Variants in OR2AG1 observed in about 807,000 individuals in gnomAD.
OR2AG1 encodes the protein olfactory receptor 2AG1.
For synonymous variants in OR2AG1, 157 were observed against 155.6 expected, an observed-to-expected ratio of 1.01 and a Z score of -0.07; for missense variants, 391 against 385.9, an observed-to-expected ratio of 1.01 and a Z score of -0.11.
At chr11:6,783,711 C>T (rs928460219) in intron 1 of OR2AG1, among the ~76,000 whole-genome samples, 5 of 152,328 alleles carry the variant, frequency 3.3e-5, no homozygotes, top group Middle Eastern at 3.4e-3. Context: ...TGGTGGAAAT[C>T]GCAATACTTG....
rs374381082 is a variant in OR2AG1, at chr11:6,785,462, G to T, written c.425G>T (p.Trp142Leu). The stretch of plus-strand genomic sequence containing the variant: ...ACCCTCATGAGCTCAAGAGCCTGCT[G>T]GCTCATGGTGGCCACGTCCTGGATC... ...YMTLMSSRAC[W>L]LMVATSWILA... The change falls in exon 2 of 2, where the codon TGG (tryptophan) becomes TTG (leucine). Residue 142 changes from tryptophan to leucine, a missense_variant. Transcript: ENST00000641258. The T allele has an allele frequency of 3.1e-5, 50 of 1,613,990 alleles. No individual in the cohort carries two copies. The highest frequency in any genetic ancestry group is 4.2e-5 in the Non-Finnish European group (49 of 1,180,012).
chr11:6,784,472 TG>T (rs1422855863), intron 1 of OR2AG1, among the ~76,000 whole-genome samples: 1 of 152,214 alleles, frequency 6.6e-6, no homozygotes, highest in Non-Finnish European at 1.5e-5. Context: ...CTGTAGAACG[TG>T]GGGCTGGCCA....
Position 6,790,613 on chromosome 11 carries a change from TA to T in OR2AG1, c.*4631del, listed in dbSNP as rs1253735888. On this transcript the variant is annotated 3_prime_UTR_variant, in exon 2 of 2. Transcript: ENST00000641258. ...GGCAAATTATACATAATAATAAACA[TA>T]AAAAATCATTTGAAAACATTTCTAA... 6.6e-6 allele frequency: 1 copy of T among 152,152 alleles called. No individual in the cohort carries two copies. The highest frequency in any genetic ancestry group is 2.4e-5 in the African/African-American group (1 of 41,434). The allele number at this position is 152,152 out of a possible 1,614,324, so 9.4% of individuals were successfully genotyped here.
In OR2AG1 at chr11:6,785,628, C is replaced by T. The variant is rs1213985638; in HGVS notation, c.591C>T (p.Leu197=). 6.2e-7 allele frequency: 1 copy of T among 1,614,076 alleles called. No individual in the cohort carries two copies. Among genetic ancestry groups the T allele is most frequent in the Non-Finnish European group, 8.5e-7 (1 of 1,179,952 alleles). The stretch of plus-strand genomic sequence containing the variant: ...GTGCTGATACCTCCAGATATGAGCT[C>T]ATGGTATATGTGATGGGTGTGACCT... ...VACADTSRYE[L]MVYVMGVTFL... The change falls in exon 2 of 2, where the codon CTC becomes CTT. Residue 197 remains leucine (L), a synonymous_variant. Coordinates refer to ENST00000641258, the MANE Select transcript of OR2AG1 (RefSeq NM_001004489.3).
chr11:6,786,813 T>A lies in OR2AG1; in HGVS notation c.*825T>A, dbSNP rs940287177. On this transcript the variant is annotated 3_prime_UTR_variant, in exon 2 of 2. Transcript: ENST00000641258. Reference sequence around the variant, plus strand: ...GGATATTTAAGTCAGTGTGTCTGTGTGTTTGTGCTAAAGATGGAGAGGACA... The same window carrying A: ...GGATATTTAAGTCAGTGTGTCTGTGAGTTTGTGCTAAAGATGGAGAGGACA... 1 of 152,188 alleles carries A rather than the reference T, an allele frequency of 6.6e-6. No individual in the cohort carries two copies. The highest frequency in any genetic ancestry group is 1.9e-4 in the East Asian group (1 of 5,202). 9.4% of individuals were successfully genotyped at this position (152,188 alleles called of 1,614,324 possible).
At chr11:6,784,562 T>C (rs1022830584) in intron 1 of OR2AG1, among the ~76,000 whole-genome samples, 46 of 152,286 alleles carry the variant, frequency 3.0e-4, no homozygotes, top group African/African-American at 8.4e-4. Context: ...TGCAAACAAA[T>C]GTGGCTGTAA....
In OR2AG1 at chr11:6,787,412, T is replaced by C. The variant is rs1260996684; in HGVS notation, c.*1424T>C. The C allele has an allele frequency of 1.3e-5, 2 of 152,160 alleles. No individual in the cohort carries two copies. The highest frequency in any genetic ancestry group is 4.8e-5 in the African/African-American group (2 of 41,434). 9.4% of individuals were successfully genotyped at this position (152,160 alleles called of 1,614,324 possible). On this transcript the variant is annotated 3_prime_UTR_variant, in exon 2 of 2. Transcript: ENST00000641258. ...AGTCTGCAAGTTTGCAAAGTGTAAG[T>C]TGACATTAACAATAAGACCTACTTT...
rs1319547851 is a variant in OR2AG1, at chr11:6,787,106, T to C, written c.*1118T>C. On this transcript the variant is annotated 3_prime_UTR_variant, in exon 2 of 2. Coordinates refer to ENST00000641258, the MANE Select transcript of OR2AG1 (RefSeq NM_001004489.3). ...GTTCAGAAAGTATAGTAGTAGTATA[T>C]CATGTTTGGAAGGCAAGGCTGAGTA... The C allele has an allele frequency of 6.6e-6, 1 of 152,290 alleles. No individual in the cohort carries two copies. The highest frequency in any genetic ancestry group is 1.5e-5 in the Non-Finnish European group (1 of 68,002). 9.4% of individuals were successfully genotyped at this position (152,290 alleles called of 1,614,324 possible).
In OR2AG1 at chr11:6,787,241, T is replaced by C. The variant is rs1847637308; in HGVS notation, c.*1253T>C. 1.3e-5 allele frequency: 2 copies of C among 152,120 alleles called. No homozygotes were observed. Among genetic ancestry groups the C allele is most frequent in the African/African-American group, 4.8e-5 (2 of 41,428 alleles). The allele number at this position is 152,120 out of a possible 1,614,324, so 9.4% of individuals were successfully genotyped here. ...AACAGATTTTTTTAACCTACAAGCA[T>C]ATAGTTATTTTTCCTATATTATATA... On this transcript the variant is annotated 3_prime_UTR_variant, in exon 2 of 2. Transcript: ENST00000641258.
chr11:6,790,810 C>T lies in OR2AG1; in HGVS notation c.*4822C>T, dbSNP rs1589997558. The T allele has an allele frequency of 1.3e-5, 2 of 152,332 alleles. No homozygotes were observed. The highest frequency in any genetic ancestry group is 4.8e-5 in the African/African-American group (2 of 41,554). The allele number at this position is 152,332 out of a possible 1,614,324, so 9.4% of individuals were successfully genotyped here. A position where few individuals can be genotyped will look rare whatever the true frequency, so the allele number is the denominator to read the frequency against. On this transcript the variant is annotated 3_prime_UTR_variant, in exon 2 of 2. Coordinates refer to ENST00000641258, the MANE Select transcript of OR2AG1 (RefSeq NM_001004489.3). ...AGAGTAATGACAGCAAACAGTGAAG[C>T]TATAGGATAATAATTCCTCCTCAGT... is the stretch of plus-strand genomic sequence containing the variant.
chr11:6,789,083 T>G lies in OR2AG1; in HGVS notation c.*3095T>G, dbSNP rs1017586664. ...CATTTTCTCCTCTGCTGATCTTCTA[T>G]TCGCATCTTAACACACTTTCAATCA... On this transcript the variant is annotated 3_prime_UTR_variant, in exon 2 of 2. Transcript: ENST00000641258. 2 of 151,976 alleles carry G rather than the reference T, an allele frequency of 1.3e-5. No individual in the cohort carries two copies. The highest frequency in any genetic ancestry group is 2.4e-5 in the African/African-American group (1 of 41,422). The allele number at this position is 151,976 out of a possible 1,614,324, so 9.4% of individuals were successfully genotyped here.
At position 6,790,751 on chromosome 11, in the gene OR2AG1, C is replaced by G. The variant is rs1312011933; in HGVS notation, c.*4763C>G. 3.3e-5 allele frequency: 5 copies of G among 152,158 alleles called. No individual in the cohort carries two copies. The South Asian group carries it at 1.0e-3, about 31-fold the overall frequency. The allele number at this position is 152,158 out of a possible 1,614,324, so 9.4% of individuals were successfully genotyped here. Reference sequence around the variant, plus strand: ...ATGAGACGACTTGCAGTGTAGAGCCCTCTAGGCTTTCAGCCTAGAACAGGA... The same window carrying G: ...ATGAGACGACTTGCAGTGTAGAGCCGTCTAGGCTTTCAGCCTAGAACAGGA... On this transcript the variant is annotated 3_prime_UTR_variant, in exon 2 of 2. Transcript: ENST00000641258.
In OR2AG1 at chr11:6,791,168, G is replaced by A. The variant is rs920400546; in HGVS notation, c.*5180G>A. On this transcript the variant is annotated 3_prime_UTR_variant, in exon 2 of 2. Coordinates refer to ENST00000641258, the MANE Select transcript of OR2AG1 (RefSeq NM_001004489.3). ...TTCTCCAGTCCTTGAGGATCTGAAG[G>A]CCTATGTGTGACTGATATTTGGTGG... The A allele has an allele frequency of 6.6e-6, 1 of 150,588 alleles. No individual in the cohort carries two copies. Among genetic ancestry groups the A allele is most frequent in the Non-Finnish European group, 1.5e-5 (1 of 66,996 alleles). 9.3% of individuals were successfully genotyped at this position (150,588 alleles called of 1,614,324 possible).
rs1223392040 is a variant in OR2AG1, at chr11:6,788,222, T to C, written c.*2234T>C. The C allele has an allele frequency of 6.6e-6, 1 of 152,188 alleles. No individual in the cohort carries two copies. Among genetic ancestry groups the C allele is most frequent in the Non-Finnish European group, 1.5e-5 (1 of 68,010 alleles). The allele number at this position is 152,188 out of a possible 1,614,324, so 9.4% of individuals were successfully genotyped here. A position where few individuals can be genotyped will look rare whatever the true frequency, so the allele number is the denominator to read the frequency against. On this transcript the variant is annotated 3_prime_UTR_variant, in exon 2 of 2. Transcript: ENST00000641258. ...TTAGGATATAATTTTCTATTCTCAT[T>C]GACGTCTTTGCTGTGCATCATACAG...
rs760105560 is a variant in OR2AG1, at chr11:6,785,323, G to C, written c.286G>C (p.Gly96Arg). ...LRRENTISFG[G>R]CALQMFLALT... Reference sequence around the variant, plus strand: ...CAGAGAAAACACCATCTCCTTTGGAGGCTGTGCCCTTCAGATGTTCCTGGC... The same window carrying C: ...CAGAGAAAACACCATCTCCTTTGGACGCTGTGCCCTTCAGATGTTCCTGGC... Residue 96 changes from glycine to arginine, a missense_variant, in exon 2 of 2, where the codon GGC becomes CGC. Coordinates refer to ENST00000641258, the MANE Select transcript of OR2AG1 (RefSeq NM_001004489.3). 5.6e-6 allele frequency: 9 copies of C among 1,614,048 alleles called. No individual in the cohort carries two copies. The South Asian group carries it at 9.9e-5, about 18-fold the overall frequency.
rs1040067017 is a variant in OR2AG1, at chr11:6,790,494, C to T, written c.*4506C>T. On this transcript the variant is annotated 3_prime_UTR_variant, in exon 2 of 2. Coordinates refer to ENST00000641258, the MANE Select transcript of OR2AG1 (RefSeq NM_001004489.3). ...TGTGGTCATCATTTCACAGGGTATACGTATATCAAATCATCACACTGTATA... is the reference window on the plus strand; with the variant it reads ...TGTGGTCATCATTTCACAGGGTATATGTATATCAAATCATCACACTGTATA... 2 of 151,968 alleles carry T rather than the reference C, an allele frequency of 1.3e-5. No individual in the cohort carries two copies. Among genetic ancestry groups the T allele is most frequent in the Non-Finnish European group, 2.9e-5 (2 of 68,024 alleles). 9.4% of individuals were successfully genotyped at this position (151,968 alleles called of 1,614,324 possible).
At position 6,791,253 on chromosome 11, in the gene OR2AG1, T is replaced by C. The variant is rs1233838211; in HGVS notation, c.*5265T>C. The C allele has an allele frequency of 6.6e-6, 1 of 152,230 alleles. No homozygotes were observed. Among genetic ancestry groups the C allele is most frequent in the East Asian group, 1.9e-4 (1 of 5,202 alleles). The allele number at this position is 152,230 out of a possible 1,614,324, so 9.4% of individuals were successfully genotyped here. On this transcript the variant is annotated 3_prime_UTR_variant, in exon 2 of 2. Transcript: ENST00000641258. ...CAACCAAAATCTTTGTTGAAAGGCA[T>C]ATTGTGTATTGTCACTAATTCTGGG...
rs775991557 is a variant in OR2AG1 at position 6,785,990 on chromosome 11, G to A, written c.*2G>A. 1.9e-6 allele frequency: 3 copies of A among 1,600,932 alleles called. No individual in the cohort carries two copies. Among genetic ancestry groups the A allele is most frequent in the East Asian group, 4.5e-5 (2 of 44,724 alleles). On this transcript the variant is annotated 3_prime_UTR_variant, in exon 2 of 2. Coordinates refer to ENST00000641258, the MANE Select transcript of OR2AG1 (RefSeq NM_001004489.3). ...CTGCCAGCACACTCCACGCTCTAGG[G>A]AAGGATCATGGCTAGCTTCCAGAAT...
At position 6,785,828 on chromosome 11, in the gene OR2AG1, C is replaced by A. The variant is rs1352466834; in HGVS notation, c.791C>A (p.Ser264Tyr). ...ACATTCATGTATGTCTTGCCCAGTT[C>A]CTTCCACAGCACCAGACAAGACAAC... ...AATFMYVLPS[S>Y]FHSTRQDNII... The change falls in exon 2 of 2, where the codon TCC (serine) becomes TAC (tyrosine). Residue 264 changes from serine (S) to tyrosine (Y), a missense_variant. Physicochemically the swap from Ser to Tyr is moderately radical, Grantham distance 144. Transcript: ENST00000641258. 6.2e-7 allele frequency: 1 copy of A among 1,614,142 alleles called. No homozygotes were observed. Among genetic ancestry groups the A allele is most frequent in the East Asian group, 2.2e-5 (1 of 44,876 alleles).
Sources: allele counts gnomAD v4.1 joint callset (sites outside exome capture counted in the v4.1 genomes callset), GRCh38; gene constraint gnomAD v4.1.1; transcripts MANE v1.5; gene names NCBI Gene and HGNC (gene_info 2026-07-23, HGNC 2026-07-21).